Variants in DENND1A observed in about 807,000 individuals in gnomAD.
DENND1A encodes DENN domain containing 1A.
In DENND1A, 51 loss-of-function variants were observed where a neutral mutation model predicts 113.7. The ratio of observed to expected loss-of-function variants is 0.45; its 90% CI spans 0.36 to 0.57. DENND1A has a LOEUF of 0.57. Ranked by LOEUF, DENND1A falls within the 20% of genes least tolerant of loss-of-function variation. The pLI, the probability that DENND1A is intolerant of heterozygous loss-of-function variation, is 0.00. For missense variants in DENND1A, 1,258 were observed against 1,395.9 expected (o/e 0.90, Z 1.57); for synonymous variants, 565 against 570.8 (o/e 0.99, Z 0.14).
At chr9:123,781,717 T>G (rs1344687587) in intron 3 of DENND1A, among the ~76,000 whole-genome samples, 4 of 152,146 alleles carry the variant, frequency 2.6e-5, no homozygotes, top group Non-Finnish European at 5.9e-5. Context: ...ATATCAAAAG[T>G]CAAATCTCAT....
In DENND1A at chr9:123,440,434, G is replaced by A. The variant is rs1470389226; in HGVS notation, c.1414C>T (p.Pro472Ser). 4 of 1,578,012 alleles carry A rather than the reference G, an allele frequency of 2.5e-6. No individual in the cohort carries two copies. Among genetic ancestry groups the A allele is most frequent in the Non-Finnish European group, 3.4e-6 (4 of 1,168,588 alleles). Residue 472 changes from proline (P) to serine (S), a missense_variant, in exon 19 of 24, where the codon CCG becomes TCG. By Grantham distance (74) the Pro-to-Ser change is moderately conservative (BLOSUM62 -1). This residue lies in a region of DENND1A where 1,159 missense variants were observed against 1,231.7 expected (regional missense o/e 0.94). Coordinates refer to ENST00000394215, the MANE Select transcript of DENND1A (RefSeq NM_001352964.2). ...TPEEQLPKTAPSPLVEAKDPK... is the reference protein window; with the variant it reads ...TPEEQLPKTASSPLVEAKDPK... ...TCCTTGGCCTCCACCAGTGGGGACGGTGCAGTCTTTGGCAGCTGCTCTTCT... is the reference window on the plus strand; with the variant it reads ...TCCTTGGCCTCCACCAGTGGGGACGATGCAGTCTTTGGCAGCTGCTCTTCT...
intron 5 of DENND1A, among the ~76,000 whole-genome samples, chr9:123,683,685 C>T (rs929899352): frequency 1.3e-5 from 2 of 152,176 alleles, no homozygotes; most frequent in Non-Finnish European, 2.9e-5. Context: ...AACTCCCCAT[C>T]GTTTATAATA....
chr9:123,575,164 T>C (rs2058567002), intron 12 of DENND1A, among the ~76,000 whole-genome samples: 1 of 151,980 alleles, frequency 6.6e-6, no homozygotes, highest in Non-Finnish European at 1.5e-5. Flanking sequence ...GGTGGAGAGG[T>C]GCAAGGGAGG....
intron 2 of DENND1A, among the ~76,000 whole-genome samples, chr9:123,875,574 T>A (rs1371284757): frequency 6.6e-6 from 1 of 152,148 alleles, no homozygotes; most frequent in African/African-American, 2.4e-5. Flanking sequence ...CCCCTCTCCA[T>A]CCTGTACTGC....
chr9:123,794,066 T>C (rs1833412445), intron 2 of DENND1A, among the ~76,000 whole-genome samples: 1 of 152,238 alleles, frequency 6.6e-6, no homozygotes, highest in African/African-American at 2.4e-5. Context: ...AGGGCTTCCC[T>C]GATAGGCAGC....
intron 13 of DENND1A, among the ~76,000 whole-genome samples, chr9:123,515,215 C>T (rs765347710): frequency 3.3e-5 from 5 of 152,182 alleles, no homozygotes; most frequent in Non-Finnish European, 7.3e-5. Context: ...TTGGAGTCAA[C>T]TGGGAAAACT....
chr9:123,567,374 C>T (rs769632088), intron 12 of DENND1A, among the ~76,000 whole-genome samples: 2 of 152,190 alleles, frequency 1.3e-5, no homozygotes, highest in Non-Finnish European at 2.9e-5. Context: ...TTTGAAAAAA[C>T]TGATATGCAC....
At chr9:123,393,633 G>C (rs952470028) in intron 21 of DENND1A, among the ~76,000 whole-genome samples, 1 of 152,182 alleles carries the variant, frequency 6.6e-6, no homozygotes, top group African/African-American at 2.4e-5. Context: ...TCTGGAATTA[G>C]ACTGGAGCTG....
chr9:123,756,850 T>TCCCAGG (rs1236266770), intron 5 of DENND1A, among the ~76,000 whole-genome samples: 1 of 152,102 alleles, frequency 6.6e-6, no homozygotes, highest in African/African-American at 2.4e-5. Flanking sequence ...GGCCTTTTAT[T>TCCCAGG]CCCAGGCCCA....
chr9:123,570,735 A>T (rs749332677), intron 12 of DENND1A, among the ~76,000 whole-genome samples: 2 of 152,240 alleles, frequency 1.3e-5, no homozygotes, highest in Non-Finnish European at 2.9e-5. Context: ...AACAGGGTAG[A>T]AGTATCAAGT....
intron 13 of DENND1A, among the ~76,000 whole-genome samples, chr9:123,535,898 G>T (rs2055725358): frequency 1.3e-5 from 2 of 152,158 alleles, no homozygotes; most frequent in African/African-American, 4.8e-5. Flanking sequence ...ACTCATGAAA[G>T]ATATTTTACC....
intron 9 of DENND1A, among the ~76,000 whole-genome samples, chr9:123,645,195 T>G (rs1200083231): frequency 6.6e-6 from 1 of 152,164 alleles, no homozygotes; most frequent in Non-Finnish European, 1.5e-5. Flanking sequence ...TAAATATTGT[T>G]GAGTTTGTCT....
At chr9:123,480,974 C>T (rs757588543) in intron 13 of DENND1A, among the ~76,000 whole-genome samples, 2 of 152,202 alleles carry the variant, frequency 1.3e-5, no homozygotes, top group African/African-American at 4.8e-5. Flanking sequence ...GACATGCGCA[C>T]ACATTGTTTA....
chr9:123,860,494 G>C (rs1003037175), intron 2 of DENND1A, among the ~76,000 whole-genome samples: 1 of 152,146 alleles, frequency 6.6e-6, no homozygotes, highest in Non-Finnish European at 1.5e-5. Context: ...TCATTAACAA[G>C]ATTACCTATT....
At chr9:123,600,319 T>A (rs1160316169) in intron 11 of DENND1A, among the ~76,000 whole-genome samples, 1 of 152,170 alleles carries the variant, frequency 6.6e-6, no homozygotes, top group African/African-American at 2.4e-5. Context: ...CAGACACCAA[T>A]CTGAGTGTTT....
At chr9:123,848,239 A>C (rs1186694264) in intron 2 of DENND1A, among the ~76,000 whole-genome samples, 1 of 132,706 alleles carries the variant, frequency 7.5e-6, no homozygotes, top group East Asian at 1.9e-4. Context: ...AAAAAAAAAA[A>C]AAAAAAAAAA....
chr9:123,792,621 A>G lies in DENND1A; in HGVS notation c.98T>C (p.Val33Ala), dbSNP rs1282830922. Residue 33 changes from valine (V) to alanine (A), a missense_variant, in exon 3 of 24, where the codon GTG becomes GCG. By Grantham distance (64) the Val-to-Ala change is moderately conservative (BLOSUM62 0). Coordinates refer to ENST00000394215, the MANE Select transcript of DENND1A (RefSeq NM_001352964.2). ...GTAGTCCTCCGGGAATTGCCTCTGC[A>G]CCTCAGGATCTGTAAATAATTGACA... ...RTGGTLSDPE[V>A]QRQFPEDYSD... is the part of the protein sequence containing the mutation. The G allele has an allele frequency of 6.2e-7, 1 of 1,613,020 alleles. No individual in the cohort carries two copies. The highest frequency in any genetic ancestry group is 8.5e-7 in the Non-Finnish European group (1 of 1,179,470).
At chr9:123,883,442 G>C (rs1361475820) in intron 1 of DENND1A, among the ~76,000 whole-genome samples, 1 of 152,152 alleles carries the variant, frequency 6.6e-6, no homozygotes, top group Non-Finnish European at 1.5e-5. Flanking sequence ...ACTTTAGCAA[G>C]TACTATAGTC....
Position 123,440,462 on chromosome 9 carries a change from G to T in DENND1A, c.1386C>A (p.Thr462=), listed in dbSNP as rs139357966. The T allele has an allele frequency of 5.3e-5, 83 of 1,572,234 alleles. No individual in the cohort carries two copies. Among genetic ancestry groups the T allele is most frequent in the Non-Finnish European group, 6.4e-5 (75 of 1,167,090 alleles). Residue 462 remains threonine, a synonymous_variant, in exon 19 of 24, where the codon ACC becomes ACA. Transcript: ENST00000394215. ...KDIAENGCAP[T]PEEQLPKTAP... ...CAGTCTTTGGCAGCTGCTCTTCTGG[G>T]GTGGGGGCGCAGCCATTCTCGGCAA...
Sources: allele counts gnomAD v4.1 joint callset (sites outside exome capture counted in the v4.1 genomes callset), GRCh38; gene constraint gnomAD v4.1.1; regional missense constraint gnomAD v4.1.1; transcripts MANE v1.5; gene names NCBI Gene and HGNC (gene_info 2026-07-23, HGNC 2026-07-21).